Variants in BDH1 observed in about 807,000 individuals in gnomAD.
BDH1 encodes the protein D-beta-hydroxybutyrate dehydrogenase, mitochondrial.
Under a neutral mutation model 33.1 loss-of-function variants are expected in BDH1, and 30 were observed. The ratio of observed to expected loss-of-function variants is 0.91; its 90% CI spans 0.68 to 1.23. The LOEUF (loss-of-function observed/expected upper bound fraction) is 1.23. BDH1 is among the 50% of genes most tolerant of loss of function. The pLI is 0.00. For missense variants in BDH1, 443 were observed against 464.4 expected (o/e 0.95, Z 0.42); for synonymous variants, 190 against 183.6 (o/e 1.03, Z -0.28).
rs745628099 is a variant in BDH1, at chr3:197,514,700, G to A, written c.410-284C>T. On this transcript the variant is annotated intron_variant, in intron 6 of 7. Coordinates refer to ENST00000392379, the MANE Select transcript of BDH1 (RefSeq NM_203314.3). The surrounding 1 kb of genome is among the most constrained non-coding windows in gnomAD (Gnocchi z 4.2). ...CATGACCCAGCCTGCCGTGTCCCCC[G>A]GCCTTCAGTCTCACCTCACCTCAAA... 5.3e-5 allele frequency among the ~76,000 whole-genome samples: 8 copies of A among 151,948 alleles called. No individual in the cohort carries two copies. The highest frequency in any genetic ancestry group is 1.3e-4 in the Admixed American group (2 of 15,262).
In BDH1 at chr3:197,525,836, A is replaced by G. The variant is rs905032062; in HGVS notation, c.268-3055T>C. Among the ~76,000 whole-genome samples the G allele has an allele frequency of 4.0e-5, 6 of 151,492 alleles. No individual in the cohort carries two copies. Among genetic ancestry groups the G allele is most frequent in the African/African-American group, 1.5e-4 (6 of 40,848 alleles). ...CAGGCCACACCACCTCCCTGGACCC[A>G]GGGTTTCTGTGCTCCCTCTGCAGGT... On this transcript the variant is annotated intron_variant, in intron 5 of 7. Coordinates refer to ENST00000392379, the MANE Select transcript of BDH1 (RefSeq NM_203314.3). This position sits in a 1 kb window ranked among gnomAD's most constrained non-coding sequence, Gnocchi z 4.9.
In BDH1 at chr3:197,521,092, C is replaced by T. The variant is rs561761440; in HGVS notation, c.409+1548G>A. 8.7e-4 allele frequency among the ~76,000 whole-genome samples: 133 copies of T among 152,310 alleles called. No homozygotes were observed. The highest frequency in any genetic ancestry group is 2.9e-3 in the African/African-American group (122 of 41,570). On this transcript the variant is annotated intron_variant, in intron 6 of 7. Transcript: ENST00000392379. The surrounding 1 kb of genome is among the most constrained non-coding windows in gnomAD (Gnocchi z 4.9). ...CCCGCATGGGATCTGGTCACTCCTG[C>T]CTTTTCCGCCTCCTTCCCCAGCCAC...
rs559486864 is a variant in BDH1, at chr3:197,528,082, A to G, written c.267+4330T>C. Among the ~76,000 whole-genome samples, 3 of 152,294 alleles carry G rather than the reference A, an allele frequency of 2.0e-5. No individual in the cohort carries two copies. In the East Asian group the frequency reaches 5.8e-4, roughly 29 times the overall value. On this transcript the variant is annotated intron_variant, in intron 5 of 7. Coordinates refer to ENST00000392379, the MANE Select transcript of BDH1 (RefSeq NM_203314.3). This position sits in a 1 kb window ranked among gnomAD's most constrained non-coding sequence, Gnocchi z 5.1. The stretch of plus-strand genomic sequence containing the variant: ...GGCAAGAACTTCTCACTGAGGTGTT[A>G]TATGCTGTATCTCCAACAGGGAACA...
At chr3:197,556,256 C>G (rs1310420801), upstream of BDH1, among the ~76,000 whole-genome samples, 2 of 152,240 alleles carry the variant, frequency 1.3e-5, no homozygotes, top group East Asian at 1.9e-4. Flanking sequence ...GTGAAGGCGC[C>G]GCTCCTTGAA....
intron 3 of BDH1, among the ~76,000 whole-genome samples, chr3:197,536,403 A>C (rs1715157643): frequency 6.6e-6 from 1 of 152,202 alleles, no homozygotes; most frequent in African/African-American, 2.4e-5. Flanking sequence ...TTTTTATAGA[A>C]AGTGTGCTAA....
chr3:197,546,101 C>T (rs553775768), intron 3 of BDH1: 22 of 339,820 alleles, frequency 6.5e-5, no homozygotes, highest in African/African-American at 3.9e-4. Context: ...CACGCCACTG[C>T]ACTCCAGCCT....
At position 197,549,503 on chromosome 3, in the gene BDH1, A is replaced by G. The variant is rs571505517; in HGVS notation, c.-43-3017T>C. On this transcript the variant is annotated intron_variant, in intron 2 of 7. Transcript: ENST00000392379. ...AAAGGGGCAGGCATTCCCAGTACTA[A>G]CATTCTCAGCAGAGGCAAGGTATCC... is the stretch of plus-strand genomic sequence containing the variant. Among the ~76,000 whole-genome samples, 8 of 152,298 alleles carry G rather than the reference A, an allele frequency of 5.3e-5. 1 individual carries two copies. The highest frequency in any genetic ancestry group is 1.9e-4 in the African/African-American group (8 of 41,554).
In BDH1 at chr3:197,522,826, C is replaced by T. The variant is rs1036945340; in HGVS notation, c.268-45G>A. The stretch of plus-strand genomic sequence containing the variant: ...TGCTTCTACCTCCTTCCTTCCCACC[C>T]TGAGGCAGACCCTGAGGACTCCTGT... On this transcript the variant is annotated intron_variant, in intron 5 of 7. Coordinates refer to ENST00000392379, the MANE Select transcript of BDH1 (RefSeq NM_203314.3). This position sits in a 1 kb window ranked among gnomAD's most constrained non-coding sequence, Gnocchi z 4.8. 2.5e-6 allele frequency: 4 copies of T among 1,601,870 alleles called. No homozygotes were observed. The highest frequency in any genetic ancestry group is 3.4e-6 in the Non-Finnish European group (4 of 1,172,290).
At chr3:197,562,286 C>T (rs1717291530) in intron 1 of BDH1, among the ~76,000 whole-genome samples, 1 of 152,160 alleles carries the variant, frequency 6.6e-6, no homozygotes, top group African/African-American at 2.4e-5. Flanking sequence ...GAGATGCATT[C>T]TAAAGGGTCT....
At position 197,515,490 on chromosome 3, in the gene BDH1, C is replaced by G. The variant is rs1712603244; in HGVS notation, c.410-1074G>C. 4.1e-6 allele frequency: 4 copies of G among 985,600 alleles called. No individual in the cohort carries two copies. The African/African-American group carries it at 7.0e-5, about 17-fold the overall frequency. 61.1% of individuals were successfully genotyped at this position (985,600 alleles called of 1,614,324 possible). ...AGGAGGAGCAGCAGGCCACTCCCCACCCGTCATGGCTGACACTTCCACGTC... is the reference window on the plus strand; with the variant it reads ...AGGAGGAGCAGCAGGCCACTCCCCAGCCGTCATGGCTGACACTTCCACGTC... On this transcript the variant is annotated intron_variant, in intron 6 of 7. Coordinates refer to ENST00000392379, the MANE Select transcript of BDH1 (RefSeq NM_203314.3).
intron 2 of BDH1, among the ~76,000 whole-genome samples, chr3:197,550,611 C>T (rs921153871): frequency 2.0e-5 from 3 of 152,304 alleles, no homozygotes; most frequent in African/African-American, 7.2e-5. Context: ...TGCTCTGTGG[C>T]GCAGGGCCAT....
rs1193722203 is a variant in BDH1, at chr3:197,516,218, G to A, written c.410-1802C>T. ...CTGGCCTAATCCTGCTCCTCTCAAA[G>A]TACACTTAACTCTTAGGTGTCCTCA... On this transcript the variant is annotated intron_variant, in intron 6 of 7. Transcript: ENST00000392379. This position sits in a 1 kb window ranked among gnomAD's most constrained non-coding sequence, Gnocchi z 4.2. Among the ~76,000 whole-genome samples, 1 of 152,100 alleles carries A rather than the reference G, an allele frequency of 6.6e-6. No individual in the cohort carries two copies. Among genetic ancestry groups the A allele is most frequent in the Non-Finnish European group, 1.5e-5 (1 of 68,032 alleles).
intron 3 of BDH1, among the ~76,000 whole-genome samples, chr3:197,536,649 T>C (rs971513359): frequency 8.5e-5 from 13 of 152,172 alleles, no homozygotes; most frequent in African/African-American, 3.1e-4. Context: ...AAGACCAGCC[T>C]GGCCGACATG....
In BDH1 at chr3:197,521,577, T is replaced by A. The variant is rs1310072119; in HGVS notation, c.409+1063A>T. ...CATCTCCCCGACTCCCAGTGTCACC[T>A]GCCGTGGGCACCTGCTCTTCTAGCC... is the stretch of plus-strand genomic sequence containing the variant. On this transcript the variant is annotated intron_variant, in intron 6 of 7. Coordinates refer to ENST00000392379, the MANE Select transcript of BDH1 (RefSeq NM_203314.3). The surrounding 1 kb of genome is among the most constrained non-coding windows in gnomAD (Gnocchi z 4.9). Among the ~76,000 whole-genome samples the A allele has an allele frequency of 6.6e-6, 1 of 152,126 alleles. No individual in the cohort carries two copies. Among genetic ancestry groups the A allele is most frequent in the Non-Finnish European group, 1.5e-5 (1 of 68,014 alleles).
At chr3:197,524,840 A>C (rs962576113) in intron 5 of BDH1, among the ~76,000 whole-genome samples, 1 of 151,836 alleles carries the variant, frequency 6.6e-6, no homozygotes, top group African/African-American at 2.4e-5. Flanking sequence ...CCTACCTAAC[A>C]CCGCTTCCGT....
intron 6 of BDH1, among the ~76,000 whole-genome samples, chr3:197,519,812 A>G (rs1388463923): frequency 2.0e-5 from 3 of 152,042 alleles, no homozygotes; most frequent in Non-Finnish European, 4.4e-5. Context: ...CAGGCTCCAG[A>G]TGTCCTGTCC....
chr3:197,511,993 AG>A lies in BDH1; in HGVS notation c.933del (p.Tyr312ThrfsTer18). ...AVTHALTATT[P>X]YTRYHPMDYY... ...TAGTCCATGGGGTGGTAGCGGGTGT[AG>A]GGGGTGGTGGCGGTCAGGGCGTGTG... On this transcript the variant is annotated frameshift_variant, in exon 8 of 8. Transcript: ENST00000392379. LOFTEE classifies it high-confidence loss of function. The A allele has an allele frequency of 6.2e-7, 1 of 1,612,988 alleles. No individual in the cohort carries two copies. The highest frequency in any genetic ancestry group is 8.5e-7 in the Non-Finnish European group (1 of 1,179,392).
chr3:197,519,326 C>G (rs1033018783), intron 6 of BDH1, among the ~76,000 whole-genome samples: 1 of 151,916 alleles, frequency 6.6e-6, no homozygotes, highest in Admixed American at 6.6e-5. Flanking sequence ...AGCTGAGACC[C>G]ACACAGGGGG....
intron 3 of BDH1, among the ~76,000 whole-genome samples, chr3:197,540,498 A>G (rs1406719133): frequency 6.6e-6 from 1 of 151,882 alleles, no homozygotes; most frequent in Middle Eastern, 3.4e-3. Flanking sequence ...GTGAAACCCC[A>G]TCTCTACTAA....
Sources: allele counts gnomAD v4.1 joint callset (sites outside exome capture counted in the v4.1 genomes callset), GRCh38; gene constraint gnomAD v4.1.1; non-coding constraint Gnocchi (gnomAD v3.1); transcripts MANE v1.5; gene names NCBI Gene and HGNC (gene_info 2026-07-23, HGNC 2026-07-21).